The following ARF3 variants were observed in gnomAD, a reference collection of about 807,000 sequenced individuals.
The protein encoded by ARF3 is ARF GTPase 3.
In ARF3, 5 loss-of-function variants were observed where a neutral mutation model predicts 19.3. The ratio of observed to expected loss-of-function variants is 0.26; its 90% CI spans 0.14 to 0.54. The LOEUF (loss-of-function observed/expected upper bound fraction) is 0.54. Among genes scored for constraint, ARF3 ranks in the 20% least tolerant of loss-of-function variants. The pLI is 0.95. For synonymous variants in ARF3, 71 were observed against 89.2 expected, an observed-to-expected ratio of 0.80 and a Z score of 1.15; for missense variants, 77 against 234.2, an observed-to-expected ratio of 0.33 and a Z score of 4.38.
At chr12:48,944,890 C>G (rs1171236893) in intron 1 of ARF3, among the ~76,000 whole-genome samples, 1 of 152,192 alleles carries the variant, frequency 6.6e-6, no homozygotes. Context: ...TGGCTCATGC[C>G]TGTAATCCCA....
chr12:48,939,689 C>T lies in ARF3; in HGVS notation c.350G>A (p.Arg117Gln), dbSNP rs752332270. ...LMRMLAEDELRDAVLLVFANK... is the reference protein window; with the variant it reads ...LMRMLAEDELQDAVLLVFANK... ...TGCAAAGACAAGGAGTACAGCATCC[C>T]GGAGCTCGTCCTCCGCCAGCATTCT... The change falls in exon 4 of 5, where the codon CGG becomes CAG. Residue 117 changes from arginine to glutamine, a missense_variant. Arg to Gln is a conservative substitution (Grantham distance 43, BLOSUM62 1). This residue lies in a region of ARF3 where 53 missense variants were observed against 121.2 expected (regional missense o/e 0.44). Coordinates refer to ENST00000256682, the MANE Select transcript of ARF3 (RefSeq NM_001659.3). This position sits in a 1 kb window ranked among gnomAD's most constrained non-coding sequence, Gnocchi z 4.8. 2.2e-5 allele frequency: 35 copies of T among 1,614,036 alleles called. No homozygotes were observed. The highest frequency in any genetic ancestry group is 1.1e-4 in the South Asian group (10 of 91,086).
chr12:48,942,558 T>G (rs1214265506), intron 1 of ARF3, among the ~76,000 whole-genome samples: 1 of 152,094 alleles, frequency 6.6e-6, no homozygotes, highest in Non-Finnish European at 1.5e-5. Context: ...CCCTACCCCA[T>G]TTATCCCACT....
intron 1 of ARF3, among the ~76,000 whole-genome samples, chr12:48,949,200 G>A (rs1940417934): frequency 6.6e-6 from 1 of 152,216 alleles, no homozygotes; most frequent in Non-Finnish European, 1.5e-5. Context: ...GAACAGATCT[G>A]AAGGTGAATA....
chr12:48,947,992 G>C (rs1008880617), intron 1 of ARF3, among the ~76,000 whole-genome samples: 13 of 151,020 alleles, frequency 8.6e-5, no homozygotes, highest in African/African-American at 2.9e-4. Flanking sequence ...GATTGCCTGA[G>C]GCCAGGAGTT....
In ARF3 at chr12:48,947,393, G is replaced by A. The variant is rs186112599; in HGVS notation, c.-93-6205C>T. On this transcript the variant is annotated intron_variant, in intron 1 of 4. Coordinates refer to ENST00000256682, the MANE Select transcript of ARF3 (RefSeq NM_001659.3). ...GCAATCTCGGCTCACTGCAACCTCC[G>A]CCTCCCAAGTTCAAGCGATTCTCCT... Among the ~76,000 whole-genome samples, 112 of 146,978 alleles carry A rather than the reference G, an allele frequency of 7.6e-4. No homozygotes were observed. In the Middle Eastern group the frequency reaches 0.018, roughly 24 times the overall value.
Position 48,939,647 on chromosome 12 carries a change from A to T in ARF3, c.384+8T>A. On this transcript the variant is annotated splice_region_variant and intron_variant, in intron 4 of 4. Transcript: ENST00000256682. The surrounding 1 kb of genome is among the most constrained non-coding windows in gnomAD (Gnocchi z 4.8). ...TCTCCCAAATTCAGGGGTGGGAAGA[A>T]GTCTCACCTGTTTGTTTGCAAAGAC... 1 of 1,614,174 alleles carries T rather than the reference A, an allele frequency of 6.2e-7. No individual in the cohort carries two copies.
intron 1 of ARF3, among the ~76,000 whole-genome samples, chr12:48,943,370 A>G (rs139815766): frequency 2.0e-4 from 31 of 152,314 alleles, no homozygotes; most frequent in Admixed American, 6.5e-4. Context: ...CTGTGCCTGC[A>G]GGAGGCATGT....
intron 1 of ARF3, among the ~76,000 whole-genome samples, chr12:48,955,116 C>T (rs1339670084): frequency 6.6e-6 from 1 of 152,210 alleles, no homozygotes; most frequent in Non-Finnish European, 1.5e-5. Context: ...ACCCTCTATC[C>T]TGAGTCCACT....
At chr12:48,955,139 G>A (rs1940539239) in intron 1 of ARF3, among the ~76,000 whole-genome samples, 1 of 152,142 alleles carries the variant, frequency 6.6e-6, no homozygotes, top group Non-Finnish European at 1.5e-5. Context: ...CTCTTATTAT[G>A]ACTCTAGTGT....
chr12:48,940,591 CTG>C, intron 2 of ARF3, among the ~76,000 whole-genome samples: 1 of 152,316 alleles, frequency 6.6e-6, no homozygotes, highest in Admixed American at 6.5e-5. Context: ...CTTCAGCAAA[CTG>C]TAACCAAGAT....
rs1940219549 is a variant in ARF3, at chr12:48,939,835, C to A, written c.260-56G>T. The A allele has an allele frequency of 4.3e-6, 7 of 1,610,190 alleles. No homozygotes were observed. The East Asian group carries it at 1.3e-4, about 31-fold the overall frequency. On this transcript the variant is annotated intron_variant, in intron 3 of 4. Transcript: ENST00000256682. The surrounding 1 kb of genome is among the most constrained non-coding windows in gnomAD (Gnocchi z 4.8). Reference sequence around the variant, plus strand: ...ATGACAGGTAACCCCCTCCCCCCAACCAAAAGACCACACCTGCCTGACACC... The same window carrying A: ...ATGACAGGTAACCCCCTCCCCCCAAACAAAAGACCACACCTGCCTGACACC...
In ARF3 at chr12:48,939,831, C is replaced by T. The variant is rs141355399; in HGVS notation, c.260-52G>A. The T allele has an allele frequency of 3.7e-6, 6 of 1,610,794 alleles. No individual in the cohort carries two copies. The highest frequency in any genetic ancestry group is 3.4e-6 in the Non-Finnish European group (4 of 1,177,808). On this transcript the variant is annotated intron_variant, in intron 3 of 4. Transcript: ENST00000256682. The surrounding 1 kb of genome is among the most constrained non-coding windows in gnomAD (Gnocchi z 4.8). Reference sequence around the variant, plus strand: ...TAAGATGACAGGTAACCCCCTCCCCCCAACCAAAAGACCACACCTGCCTGA... The same window carrying T: ...TAAGATGACAGGTAACCCCCTCCCCTCAACCAAAAGACCACACCTGCCTGA...
intron 1 of ARF3, among the ~76,000 whole-genome samples, chr12:48,949,399 G>C: frequency 6.6e-6 from 1 of 152,086 alleles, no homozygotes; most frequent in South Asian, 2.1e-4. Flanking sequence ...CTAATTTTTT[G>C]TATTTTTAGT....
chr12:48,939,895 T>C lies in ARF3; in HGVS notation c.259+102A>G. The C allele has an allele frequency of 6.3e-7, 1 of 1,590,118 alleles. No individual in the cohort carries two copies. Among genetic ancestry groups the C allele is most frequent in the Non-Finnish European group, 8.6e-7 (1 of 1,159,548 alleles). On this transcript the variant is annotated intron_variant, in intron 3 of 4. Transcript: ENST00000256682. The surrounding 1 kb of genome is among the most constrained non-coding windows in gnomAD (Gnocchi z 4.8). ...TTTGCTCCCTTTCCTCCCTTTCTTC[T>C]GCCCCCAGGAGCTGCAGCAGGGTAA...
intron 1 of ARF3, among the ~76,000 whole-genome samples, chr12:48,953,891 G>A (rs772360120): frequency 5.3e-5 from 8 of 152,154 alleles, no homozygotes; most frequent in Non-Finnish European, 1.0e-4. Context: ...AAGAAGGTAC[G>A]GTAGACAGAT....
chr12:48,941,246 A>G (rs1940251628), intron 1 of ARF3, 58 bp from the exon 2 acceptor site: 1 of 952,666 alleles, frequency 1.0e-6, no homozygotes, highest in East Asian at 2.7e-5. Flanking sequence ...TTCCAAGTAA[A>G]TAGAATTTCC....
intron 1 of ARF3, among the ~76,000 whole-genome samples, chr12:48,946,136 C>A (rs989047070): frequency 6.6e-6 from 1 of 152,144 alleles, no homozygotes; most frequent in African/African-American, 2.4e-5. Flanking sequence ...TGGAGCTTGA[C>A]TTAAATGAGC....
intron 2 of ARF3, among the ~76,000 whole-genome samples, chr12:48,940,396 C>G (rs1940231616): frequency 6.6e-6 from 1 of 152,212 alleles, no homozygotes; most frequent in African/African-American, 2.4e-5. Context: ...GGTGCTCCCT[C>G]CTACAAAATG....
rs1208817343 is a variant in ARF3, at chr12:48,938,777, G to T, written c.*170C>A. ...GCAATTAGGGATTGGTCATATAGGT[G>T]GACAGGAAAAAGGAGGGGAGGCAGG... On this transcript the variant is annotated 3_prime_UTR_variant, in exon 5 of 5. Coordinates refer to ENST00000256682, the MANE Select transcript of ARF3 (RefSeq NM_001659.3). 1.3e-6 allele frequency: 1 copy of T among 755,670 alleles called. No individual in the cohort carries two copies. The highest frequency in any genetic ancestry group is 1.8e-5 in the African/African-American group (1 of 56,874). 46.8% of individuals were successfully genotyped at this position (755,670 alleles called of 1,614,324 possible).
Sources: gnomAD v4.1 joint callset for allele counts (sites outside exome capture counted in the v4.1 genomes callset) on GRCh38, gnomAD v4.1.1 for gene constraint, gnomAD v4.1.1 regional missense constraint, Gnocchi (gnomAD v3.1) non-coding constraint, MANE v1.5 for transcripts, NCBI Gene and HGNC (gene_info 2026-07-23, HGNC 2026-07-21) for gene names.